MAGI2: variants seen among roughly 807,000 people sequenced by gnomAD.
MAGI2 encodes the protein membrane associated guanylate kinase, WW and PDZ domain containing 2, also known as membrane-associated guanylate kinase, WW and PDZ domain-containing protein 2.
Under a neutral mutation model 133.3 loss-of-function variants are expected in MAGI2, and 35 were observed. The ratio of observed to expected loss-of-function variants is 0.26; its 90% confidence interval spans 0.20 to 0.35. The LOEUF is 0.35. Among genes scored for constraint, MAGI2 ranks in the 10% least tolerant of loss-of-function variants. The pLI is 1.00. For synonymous variants in MAGI2, 729 were observed against 710.6 expected, an observed-to-expected ratio of 1.03 and a Z score of -0.41; for missense variants, 1,636 against 1,863.4, an observed-to-expected ratio of 0.88 and a Z score of 2.25.
chr7:79,061,877 C>G (rs558245069), intron 1 of MAGI2, among the ~76,000 whole-genome samples: 1 of 152,082 alleles, frequency 6.6e-6, no homozygotes, highest in Non-Finnish European at 1.5e-5. Flanking sequence ...CAAATACCTG[C>G]TCCACCTTAT....
chr7:78,019,475 T>A lies in MAGI2; in HGVS notation c.4208A>T (p.Glu1403Val). 1.0e-6 allele frequency: 1 copy of A among 979,372 alleles called. No individual in the cohort carries two copies. Among genetic ancestry groups the A allele is most frequent in the Non-Finnish European group, 1.2e-6 (1 of 827,888 alleles). The allele number at this position is 979,372 out of a possible 1,614,324, so 60.7% of individuals were successfully genotyped here. ...ACCCGCGCGCGCACCCGCCCTGCCCTCGGCCTCCAGCGCGCCGCTGCCGCC... is the reference window on the plus strand; with the variant it reads ...ACCCGCGCGCGCACCCGCCCTGCCCACGGCCTCCAGCGCGCCGCTGCCGCC... The part of the protein sequence containing the change: ...GGGGSGALEA[E>V]GRAGARAGPR... The change falls in exon 22 of 22, where the codon GAG becomes GTG. Residue 1403 changes from glutamate (E) to valine (V), a missense_variant. Transcript: ENST00000354212.
intron 1 of MAGI2, among the ~76,000 whole-genome samples, chr7:79,353,069 C>T (rs1367001902): frequency 1.3e-5 from 2 of 152,002 alleles, no homozygotes; most frequent in Non-Finnish European, 2.9e-5. Flanking sequence ...AAATGTGTTC[C>T]TCTGGAAAGG....
chr7:79,396,458 C>T (rs1042960197), intron 1 of MAGI2, among the ~76,000 whole-genome samples: 1 of 152,148 alleles, frequency 6.6e-6, no homozygotes, highest in Non-Finnish European at 1.5e-5. Flanking sequence ...GAGGCACTTT[C>T]TCTCCAGTTT....
chr7:78,746,882 G>T (rs1822975204), intron 2 of MAGI2, among the ~76,000 whole-genome samples: 1 of 152,014 alleles, frequency 6.6e-6, no homozygotes, highest in Admixed American at 6.6e-5. Context: ...CTATAATCTG[G>T]CATGGAAATA....
intron 6 of MAGI2, among the ~76,000 whole-genome samples, chr7:78,409,198 G>A (rs558503168): frequency 4.6e-5 from 7 of 152,048 alleles, no homozygotes; most frequent in African/African-American, 9.6e-5. Flanking sequence ...TATATTATAG[G>A]TATCATGAGG....
At chr7:79,118,970 G>A (rs1465002127) in intron 1 of MAGI2, among the ~76,000 whole-genome samples, 1 of 152,128 alleles carries the variant, frequency 6.6e-6, no homozygotes, top group African/African-American at 2.4e-5. Context: ...TTAAGTAGAA[G>A]TCTTTAGATA....
At chr7:78,547,287 T>C (rs1323196773) in intron 3 of MAGI2, among the ~76,000 whole-genome samples, 3 of 152,242 alleles carry the variant, frequency 2.0e-5, no homozygotes, top group African/African-American at 7.2e-5. Flanking sequence ...TTCTGGTGAT[T>C]CAGTGAGAGA....
chr7:79,172,182 T>G (rs1040731121), intron 1 of MAGI2, among the ~76,000 whole-genome samples: 1 of 152,016 alleles, frequency 6.6e-6, no homozygotes, highest in Admixed American at 6.6e-5. Context: ...AGAGAAACAG[T>G]GGGTTATGGA....
chr7:79,090,845 T>C (rs1409630742), intron 1 of MAGI2, among the ~76,000 whole-genome samples: 1 of 152,176 alleles, frequency 6.6e-6, no homozygotes, highest in African/African-American at 2.4e-5. Context: ...AGGTGAATTC[T>C]GATAGTGTAT....
chr7:78,619,487 A>G (rs1475102483), intron 3 of MAGI2, among the ~76,000 whole-genome samples: 4 of 151,942 alleles, frequency 2.6e-5, no homozygotes, highest in African/African-American at 4.8e-5. Flanking sequence ...ATTTTCTGTG[A>G]TATTAGTCTT....
Position 79,421,184 on chromosome 7 carries a change from A to T in MAGI2, c.301+31836T>A, listed in dbSNP as rs182394047. Among the ~76,000 whole-genome samples, 353 of 152,118 alleles carry T rather than the reference A, an allele frequency of 2.3e-3. 1 individual carries two copies. Among genetic ancestry groups the T allele is most frequent in the Non-Finnish European group, 3.0e-3 (201 of 67,908 alleles). On this transcript the variant is annotated intron_variant, in intron 1 of 21. Transcript: ENST00000354212. ...TAAATCTGTTTGACATTATTACTGT[A>T]ATCACAGCTGATTTGCAGGCAAATG...
rs1316688079 is a variant in MAGI2, at chr7:78,163,823, C to A, written c.2597-3550G>T. Among the ~76,000 whole-genome samples, 5 of 147,722 alleles carry A rather than the reference C, an allele frequency of 3.4e-5. No homozygotes were observed. The East Asian group carries it at 1.0e-3, about 30-fold the overall frequency. On this transcript the variant is annotated intron_variant, in intron 15 of 21. Transcript: ENST00000354212. ...TTGGGAGGCTGAGGCAGGAGAATGGCAGGAACCCAGGAGGCAGAGCTTGCA... is the reference window on the plus strand; with the variant it reads ...TTGGGAGGCTGAGGCAGGAGAATGGAAGGAACCCAGGAGGCAGAGCTTGCA...
chr7:78,911,751 A>C (rs772337834), intron 2 of MAGI2, among the ~76,000 whole-genome samples: 9 of 152,050 alleles, frequency 5.9e-5, no homozygotes, highest in Middle Eastern at 6.3e-3. Context: ...TTTGTTCCAT[A>C]GGTAAACTCA....
At chr7:78,324,881 G>A (rs935245824) in intron 9 of MAGI2, among the ~76,000 whole-genome samples, 20 of 152,216 alleles carry the variant, frequency 1.3e-4, no homozygotes, top group Admixed American at 3.3e-4. Flanking sequence ...CAGGAGAATC[G>A]CTTGAACCCG....
At chr7:78,484,871 A>G (rs958101425) in intron 6 of MAGI2, 2 of 151,992 alleles carry the variant, frequency 1.3e-5, no homozygotes, top group Non-Finnish European at 2.9e-5. Context: ...CCAAAGATTA[A>G]GTACCTTGCC....
In MAGI2 at chr7:78,794,603, GAA is replaced by G. The variant is rs34085868; in HGVS notation, c.419-167366_419-167365del. 8.2e-3 allele frequency among the ~76,000 whole-genome samples: 1,072 copies of G among 130,582 alleles called. 6 individuals carry two copies. Among genetic ancestry groups the G allele is most frequent in the Non-Finnish European group, 0.013 (739 of 59,114 alleles). 85.7% of individuals were successfully genotyped at this position (130,582 alleles called of 152,430 possible). ...CTTTACTTGTCCTGTTCATGCAAAA[GAA>G]AAAAAAAAAAACAATCCAAATTCTA... On this transcript the variant is annotated intron_variant, in intron 2 of 21. Coordinates refer to ENST00000354212, the MANE Select transcript of MAGI2 (RefSeq NM_012301.4).
intron 1 of MAGI2, among the ~76,000 whole-genome samples, chr7:79,373,306 G>T (rs538696817): frequency 3.9e-5 from 6 of 152,040 alleles, no homozygotes; most frequent in African/African-American, 1.4e-4. Context: ...GGAGTTGCCT[G>T]TTATTGGCAA....
At chr7:79,050,036 T>C (rs1388132428) in intron 1 of MAGI2, among the ~76,000 whole-genome samples, 1 of 152,198 alleles carries the variant, frequency 6.6e-6, no homozygotes, top group Non-Finnish European at 1.5e-5. Context: ...ATTTTGTTTT[T>C]GACCATGAAG....
chr7:78,695,542 G>C (rs4730461), intron 2 of MAGI2, among the ~76,000 whole-genome samples: 82,176 of 152,014 alleles, frequency 0.54, 22,454 homozygotes, highest in African/African-American at 0.6. Flanking sequence ...TTTCAATGTA[G>C]TCATATTTTG....
Sources: gnomAD v4.1 joint callset for allele counts (sites outside exome capture counted in the v4.1 genomes callset) on GRCh38, gnomAD v4.1.1 for gene constraint, MANE v1.5 for transcripts, NCBI Gene and HGNC (gene_info 2026-07-23, HGNC 2026-07-21) for gene names.